The following NECTIN3 variants were observed in gnomAD, a reference collection of about 807,000 sequenced individuals.
The protein encoded by NECTIN3 is nectin cell adhesion molecule 3, also known as nectin-3.
In NECTIN3, 8 loss-of-function variants were observed where a neutral mutation model predicts 49.4. That is an observed-to-expected ratio of 0.16 (90% CI 0.10 to 0.29). NECTIN3 has a LOEUF of 0.29. Ranked by LOEUF, NECTIN3 falls within the 10% of genes least tolerant of loss-of-function variation. The pLI is 1.00. For missense variants in NECTIN3, 581 were observed against 654.6 expected, an observed-to-expected ratio of 0.89 and a Z score of 1.23; for synonymous variants, 277 against 241.1, an observed-to-expected ratio of 1.15 and a Z score of -1.38.
intron 1 of NECTIN3, among the ~76,000 whole-genome samples, chr3:111,095,689 C>T (rs2032544173): frequency 6.6e-6 from 1 of 152,122 alleles, no homozygotes; most frequent in South Asian, 2.1e-4. Context: ...GCAGGTCTTT[C>T]CTGTGATCTC....
At chr3:111,110,719 CT>C (rs2033420921) in intron 1 of NECTIN3, among the ~76,000 whole-genome samples, 1 of 151,912 alleles carries the variant, frequency 6.6e-6, no homozygotes, top group Admixed American at 6.6e-5. Flanking sequence ...GGGCCTGATA[CT>C]TTTTTGAAGC....
chr3:111,087,742 A>G (rs1327546880), intron 1 of NECTIN3, among the ~76,000 whole-genome samples: 1 of 151,672 alleles, frequency 6.6e-6, no homozygotes, highest in Non-Finnish European at 1.5e-5. Flanking sequence ...TCTGTTGCCC[A>G]GGCTGGAGTG....
At chr3:111,084,706 A>C (rs977019793) in intron 1 of NECTIN3, among the ~76,000 whole-genome samples, 26 of 152,220 alleles carry the variant, frequency 1.7e-4, no homozygotes, top group Admixed American at 4.6e-4. Context: ...AAACGAGATA[A>C]TTAAATGGTA....
chr3:111,160,989 A>G (rs577135207), intron 7 of NECTIN3, among the ~76,000 whole-genome samples: 7 of 152,372 alleles, frequency 4.6e-5, no homozygotes, highest in African/African-American at 1.7e-4. Flanking sequence ...CCTGGACGAC[A>G]GAACGAGACT....
chr3:111,158,461 A>G (rs1197213931), intron 7 of NECTIN3, among the ~76,000 whole-genome samples: 1 of 152,066 alleles, frequency 6.6e-6, no homozygotes, highest in Non-Finnish European at 1.5e-5. Context: ...TTTGTTTGAA[A>G]CCTTTCAAAT....
rs79811199 is a variant in NECTIN3, at chr3:111,078,828, T to A, written c.160+6651T>A. ...TTGCAGAATTGACTTTCTATGAGAA[T>A]AGTAGTCTTCTGCTTTGTTATTTCA... On this transcript the variant is annotated intron_variant, in intron 1 of 5. Transcript: ENST00000485303. 0.04 allele frequency among the ~76,000 whole-genome samples: 6,152 copies of A among 152,246 alleles called. 709 individuals carry two copies. The East Asian group carries it at 0.45, about 11-fold the overall frequency.
At chr3:111,125,704 G>C (rs183010514) in intron 4 of NECTIN3, among the ~76,000 whole-genome samples, 67 of 152,220 alleles carry the variant, frequency 4.4e-4, no homozygotes, top group African/African-American at 1.5e-3. Flanking sequence ...ATTTGCATTA[G>C]CATTAAATGA....
intron 1 of NECTIN3, among the ~76,000 whole-genome samples, chr3:111,095,210 C>G (rs1293681310): frequency 6.6e-6 from 1 of 152,152 alleles, no homozygotes; most frequent in Non-Finnish European, 1.5e-5. Flanking sequence ...CACAGACCAC[C>G]TATATCTATT....
chr3:111,150,419 CAT>C (rs561023573), intron 7 of NECTIN3, among the ~76,000 whole-genome samples: 3 of 151,808 alleles, frequency 2.0e-5, no homozygotes, highest in South Asian at 2.1e-4. Flanking sequence ...TATAAGAACA[CAT>C]GTCAGTTTTC....
At chr3:111,146,115 T>C (rs1480213602) in intron 6 of NECTIN3, among the ~76,000 whole-genome samples, 1 of 152,222 alleles carries the variant, frequency 6.6e-6, no homozygotes, top group Non-Finnish European at 1.5e-5. Context: ...ATAATACTTG[T>C]GGGACTGGAG....
At chr3:111,175,737 G>A (rs1354681264) in intron 7 of NECTIN3, among the ~76,000 whole-genome samples, 1 of 152,148 alleles carries the variant, frequency 6.6e-6, no homozygotes, top group African/African-American at 2.4e-5. Flanking sequence ...GGGACCGAGG[G>A]AAGAGCTGCT....
chr3:111,089,598 A>G (rs1030766633), intron 1 of NECTIN3, among the ~76,000 whole-genome samples: 3 of 152,106 alleles, frequency 2.0e-5, no homozygotes, highest in Non-Finnish European at 4.4e-5. Flanking sequence ...ATGGGATTTT[A>G]AAGTTATCTT....
intron 7 of NECTIN3, among the ~76,000 whole-genome samples, chr3:111,163,166 C>T (rs2035249844): frequency 6.6e-6 from 1 of 152,198 alleles, no homozygotes; most frequent in Admixed American, 6.5e-5. Context: ...ACAGTTTACA[C>T]TACCACTGCC....
In NECTIN3 at chr3:111,135,326, T is replaced by C. The variant is rs981626202; in HGVS notation, c.*1111T>C. On this transcript the variant is annotated 3_prime_UTR_variant, in exon 6 of 6. Transcript: ENST00000485303. ...TTGGCATTCATCTCCTTTTTCCTCC[T>C]AAGTGTATGTATGTGTTTTAAGATT... The C allele has an allele frequency of 2.1e-6, 2 of 945,018 alleles. No individual in the cohort carries two copies. The highest frequency in any genetic ancestry group is 1.2e-4 in the Admixed American group (2 of 16,122). 58.5% of individuals were successfully genotyped at this position (945,018 alleles called of 1,614,324 possible).
chr3:111,179,282 C>T (rs2035586393), intron 7 of NECTIN3, among the ~76,000 whole-genome samples: 1 of 152,272 alleles, frequency 6.6e-6, no homozygotes, highest in East Asian at 1.9e-4. Flanking sequence ...TCAGACCTAT[C>T]CCTGCCCTGT....
At chr3:111,162,134 TG>T (rs1209898932) in intron 7 of NECTIN3, among the ~76,000 whole-genome samples, 1 of 152,146 alleles carries the variant, frequency 6.6e-6, no homozygotes, top group Admixed American at 6.5e-5. Flanking sequence ...AGGGTTTTCT[TG>T]GGGGGTGGGT....
chr3:111,176,670 C>CTT (rs143878592), intron 7 of NECTIN3, among the ~76,000 whole-genome samples: 3 of 148,830 alleles, frequency 2.0e-5, no homozygotes, highest in African/African-American at 4.9e-5. Context: ...CCTTTATTTT[C>CTT]TTTTTTTTTT....
At chr3:111,153,947 T>C (rs2035048517) in intron 7 of NECTIN3, among the ~76,000 whole-genome samples, 1 of 152,184 alleles carries the variant, frequency 6.6e-6, no homozygotes. Flanking sequence ...GAATGGGCAG[T>C]ACCTGTGATG....
At chr3:111,171,353 C>T (rs2035429138) in intron 7 of NECTIN3, among the ~76,000 whole-genome samples, 1 of 152,322 alleles carries the variant, frequency 6.6e-6, no homozygotes, top group Middle Eastern at 3.4e-3. Context: ...AATCCTTTCA[C>T]CTCAACTCTG....
Sources: gnomAD v4.1 joint callset for allele counts (sites outside exome capture counted in the v4.1 genomes callset) on GRCh38, gnomAD v4.1.1 for gene constraint, MANE v1.5 for transcripts, NCBI Gene and HGNC (gene_info 2026-07-23, HGNC 2026-07-21) for gene names.